RASSF3: variants seen among roughly 807,000 people sequenced by gnomAD.
The protein encoded by RASSF3 is ras association domain-containing protein 3.
In RASSF3, 19 loss-of-function variants were observed where a neutral mutation model predicts 19.9. That is an observed-to-expected ratio of 0.96 (90% CI 0.67 to 1.40). RASSF3 has a LOEUF of 1.40. Among genes scored for constraint, RASSF3 ranks in the 40% most tolerant of loss-of-function variants. The probability of loss-of-function intolerance (pLI) is 0.00; values close to 1 mark genes in which losing one functional copy is unlikely to be tolerated. For missense variants in RASSF3, 306 were observed against 289.8 expected (o/e 1.06, Z -0.41); for synonymous variants, 110 against 104.2 (o/e 1.06, Z -0.34).
intron 2 of RASSF3, 127 bp from the exon 3 acceptor site, chr12:64,688,089 G>C: frequency 1.3e-6 from 1 of 747,900 alleles, no homozygotes; most frequent in African/African-American, 1.7e-5. Flanking sequence ...CTTTAGTGAA[G>C]TTCTGCCACA....
intron 1 of RASSF3, among the ~76,000 whole-genome samples, chr12:64,668,284 T>TC (rs1257081406): frequency 4.0e-5 from 6 of 150,824 alleles, no homozygotes; most frequent in African/African-American, 1.5e-4. Context: ...TTTTTTTTTT[T>TC]CTCTTCAATT....
At chr12:64,636,440 T>TGTCA (rs1224949854) in intron 1 of RASSF3, among the ~76,000 whole-genome samples, 1 of 152,044 alleles carries the variant, frequency 6.6e-6, no homozygotes, top group Non-Finnish European at 1.5e-5. Context: ...AAAAGCAGTC[T>TGTCA]GTTATTAGTA....
At chr12:64,687,958 GCAGTCAGCCA>G (rs145327524) in intron 2 of RASSF3, among the ~76,000 whole-genome samples, 9,808 of 152,196 alleles carry the variant, frequency 0.064, 370 homozygotes, top group Non-Finnish European at 0.09. Context: ...TCTGGGGCCG[GCAGTCAGCCA>G]CAGCATCAGG....
At chr12:64,579,346 CTTT>C (rs1265939630) in intron 2 of RASSF3, among the ~76,000 whole-genome samples, 3 of 117,044 alleles carry the variant, frequency 2.6e-5, no homozygotes, top group Non-Finnish European at 3.4e-5. Context: ...TAGCCAAGTT[CTTT>C]TTTTTTTTTT....
intron 1 of RASSF3, among the ~76,000 whole-genome samples, chr12:64,617,906 T>A (rs1305787536): frequency 6.6e-6 from 1 of 152,210 alleles, no homozygotes; most frequent in Non-Finnish European, 1.5e-5. Context: ...TATCACTTCC[T>A]GTTTTACGTC....
At chr12:64,555,487 C>T (rs927332874) in intron 2 of RASSF3, among the ~76,000 whole-genome samples, 8 of 152,048 alleles carry the variant, frequency 5.3e-5, no homozygotes, top group African/African-American at 1.4e-4. Flanking sequence ...CGGTGGCTCA[C>T]GCCTGTAATC....
chr12:64,582,805 A>G (rs931865938), intron 2 of RASSF3, among the ~76,000 whole-genome samples: 1 of 152,184 alleles, frequency 6.6e-6, no homozygotes, highest in Non-Finnish European at 1.5e-5. Context: ...ACTTCAAGAA[A>G]GACACTGAAG....
chr12:64,517,341 G>T (rs1868386028), intron 1 of RASSF3, among the ~76,000 whole-genome samples: 1 of 151,438 alleles, frequency 6.6e-6, no homozygotes, highest in South Asian at 2.1e-4. Context: ...TCTTGATGTG[G>T]TCACAATTAA....
chr12:64,548,642 T>C (rs1869109042), intron 2 of RASSF3, among the ~76,000 whole-genome samples: 1 of 152,238 alleles, frequency 6.6e-6, no homozygotes, highest in South Asian at 2.1e-4. Context: ...TAGCCCTTAA[T>C]ACATACTGCC....
chr12:64,616,202 A>G (rs1014082922), intron 1 of RASSF3, among the ~76,000 whole-genome samples: 1 of 152,222 alleles, frequency 6.6e-6, no homozygotes, highest in Admixed American at 6.5e-5. Flanking sequence ...CCAGTCCTAT[A>G]AAGCCTCATA....
At chr12:64,540,575 G>C (rs1039959244) in intron 1 of RASSF3, among the ~76,000 whole-genome samples, 2 of 152,152 alleles carry the variant, frequency 1.3e-5, no homozygotes, top group Non-Finnish European at 2.9e-5. Context: ...TAAACAAAAT[G>C]TGTTACATTC....
intron 2 of RASSF3, among the ~76,000 whole-genome samples, chr12:64,561,041 C>A (rs999697370): frequency 6.6e-6 from 1 of 152,178 alleles, no homozygotes; most frequent in Non-Finnish European, 1.5e-5. Flanking sequence ...ATTAGTTGTG[C>A]CCTGCTTGCT....
At chr12:64,636,680 A>G (rs956430786) in intron 1 of RASSF3, among the ~76,000 whole-genome samples, 1 of 151,978 alleles carries the variant, frequency 6.6e-6, no homozygotes, top group Non-Finnish European at 1.5e-5. Flanking sequence ...ATCCTGGCCA[A>G]CATGGCGAAA....
intron 1 of RASSF3, among the ~76,000 whole-genome samples, chr12:64,540,961 T>G (rs1365807793): frequency 6.7e-6 from 1 of 149,136 alleles, no homozygotes; most frequent in East Asian, 1.9e-4. Flanking sequence ...TTTGTAGAGA[T>G]AGGGTCTTGC....
chr12:64,641,419 C>CACACACACACACACAT (rs769330728), intron 1 of RASSF3, among the ~76,000 whole-genome samples: 4,984 of 150,574 alleles, frequency 0.033, 274 homozygotes, highest in African/African-American at 0.11. Flanking sequence ...CACACACGCG[C>CACACACACACACACAT]GCGCGCGCGT....
At chr12:64,555,108 G>A (rs1166565776) in intron 2 of RASSF3, among the ~76,000 whole-genome samples, 1 of 152,172 alleles carries the variant, frequency 6.6e-6, no homozygotes, top group East Asian at 1.9e-4. Context: ...GCTGGGTGTG[G>A]TGGTGCACAT....
At chr12:64,559,132 C>T (rs377626053) in intron 2 of RASSF3, among the ~76,000 whole-genome samples, 3 of 152,128 alleles carry the variant, frequency 2.0e-5, no homozygotes, top group Non-Finnish European at 2.9e-5. Context: ...CGCTGACCTG[C>T]GGAGGAGGGC....
chr12:64,620,317 A>G (rs1445406944), intron 1 of RASSF3, among the ~76,000 whole-genome samples: 2 of 152,154 alleles, frequency 1.3e-5, no homozygotes, highest in African/African-American at 4.8e-5. Flanking sequence ...GTATGTATAT[A>G]TCACTTTTTG....
chr12:64,601,796 G>A (rs1020836163), intron 2 of RASSF3, among the ~76,000 whole-genome samples: 4 of 152,026 alleles, frequency 2.6e-5, no homozygotes, highest in Non-Finnish European at 4.4e-5. Flanking sequence ...CTGGGCAAGA[G>A]AGCAAGACTC....
Sources: allele counts gnomAD v4.1 joint callset (sites outside exome capture counted in the v4.1 genomes callset), GRCh38; gene constraint gnomAD v4.1.1; transcripts MANE v1.5; gene names NCBI Gene and HGNC (gene_info 2026-07-23, HGNC 2026-07-21).